Variants in SIK3 observed in about 807,000 individuals in gnomAD.
SIK3 encodes the protein SIK family kinase 3.
SIK3 carries 28 observed loss-of-function variants against 144.2 expected under a neutral mutation model. The ratio of observed to expected loss-of-function variants is 0.19; its 90% CI spans 0.14 to 0.27. The LOEUF is 0.27. Ranked by LOEUF, SIK3 falls within the 10% of genes least tolerant of loss-of-function variation. The probability of loss-of-function intolerance (pLI) is 1.00; values close to 1 mark genes in which losing one functional copy is unlikely to be tolerated. For missense variants in SIK3, 1,319 were observed against 1,776.0 expected, an observed-to-expected ratio of 0.74 and a Z score of 4.62; for synonymous variants, 686 against 676.3, an observed-to-expected ratio of 1.01 and a Z score of -0.22.
chr11:117,070,661 G>C (rs979425701), intron 1 of SIK3, among the ~76,000 whole-genome samples: 3 of 151,600 alleles, frequency 2.0e-5, no homozygotes, highest in African/African-American at 7.3e-5. Context: ...GGCCAGGCTG[G>C]TCTCGAACTC....
intron 3 of SIK3, among the ~76,000 whole-genome samples, chr11:116,931,589 A>G (rs1481749861): frequency 6.6e-6 from 1 of 152,250 alleles, no homozygotes; most frequent in Admixed American, 6.5e-5. Context: ...ACCACATTTC[A>G]GTGAAGAATG....
At chr11:116,944,467 AAT>A in intron 3 of SIK3, among the ~76,000 whole-genome samples, 1 of 4,726 alleles carries the variant, frequency 2.1e-4, no homozygotes, top group South Asian at 1.8e-3. Context: ...TCATGTGAGC[AAT>A]CAATCAATCA....
At chr11:116,950,135 G>A (rs912491977) in intron 3 of SIK3, 4 of 470,838 alleles carry the variant, frequency 8.5e-6, no homozygotes, top group Non-Finnish European at 1.8e-5. Flanking sequence ...CGGCATACCT[G>A]ATCAAGTTCC....
chr11:116,925,693 A>G (rs73592259), intron 4 of SIK3, among the ~76,000 whole-genome samples: 2,760 of 152,352 alleles, frequency 0.018, 79 homozygotes, highest in African/African-American at 0.062. Context: ...ATTAGTATTA[A>G]TTTAATTGAA....
At chr11:117,075,528 TATTG>T (rs1030019693) in intron 1 of SIK3, among the ~76,000 whole-genome samples, 3 of 150,570 alleles carry the variant, frequency 2.0e-5, no homozygotes, top group African/African-American at 7.4e-5. Flanking sequence ...CATTCTATGT[TATTG>T]ATTATTTTTT....
intron 1 of SIK3, among the ~76,000 whole-genome samples, chr11:117,081,394 C>T (rs1003129383): frequency 6.6e-6 from 1 of 152,144 alleles, no homozygotes; most frequent in African/African-American, 2.4e-5. Flanking sequence ...AAGGCCGAGG[C>T]AGGCGGATCA....
At chr11:116,894,187 T>C (rs752295893) in intron 6 of SIK3, among the ~76,000 whole-genome samples, 2 of 152,182 alleles carry the variant, frequency 1.3e-5, no homozygotes, top group Admixed American at 6.5e-5. Context: ...GCAACTCTTA[T>C]GATACCTCTT....
At chr11:116,970,839 G>A (rs1054333335) in intron 1 of SIK3, among the ~76,000 whole-genome samples, 3 of 150,856 alleles carry the variant, frequency 2.0e-5, no homozygotes, top group Admixed American at 2.0e-4. Context: ...TAAGAGAAGG[G>A]TCTTGCTCTT....
intron 4 of SIK3, among the ~76,000 whole-genome samples, chr11:116,903,720 T>G (rs1020850050): frequency 6.6e-6 from 1 of 152,202 alleles, no homozygotes; most frequent in African/African-American, 2.4e-5. Flanking sequence ...TAGCTGGGAC[T>G]TCAGGCAAAC....
Position 116,859,495 on chromosome 11 carries a change from A to T in SIK3, c.2535T>A (p.Gly845=). The T allele has an allele frequency of 6.2e-7, 1 of 1,614,166 alleles. No individual in the cohort carries two copies. The highest frequency in any genetic ancestry group is 8.5e-7 in the Non-Finnish European group (1 of 1,180,038). The change falls in exon 20 of 25, where the codon GGT becomes GGA. Residue 845 remains glycine, a synonymous_variant. Coordinates refer to ENST00000445177, the MANE Select transcript of SIK3 (RefSeq NM_001366686.3). Reference sequence around the variant, plus strand: ...GCTGTGACTGAGCAGGCTGCTGCATACCCAAGCAGGTTAGTGCCACGTTGG... The same window carrying T: ...GCTGTGACTGAGCAGGCTGCTGCATTCCCAAGCAGGTTAGTGCCACGTTGG... The part of the protein sequence containing the change: ...SPPNVALTCL[G]MQQPAQSQQV...
intron 15 of SIK3, chr11:116,864,819 G>A (rs1213874834): frequency 6.6e-6 from 1 of 152,284 alleles, no homozygotes. Flanking sequence ...TGGGACTGAA[G>A]CAGAACCACA....
At chr11:116,947,569 ATTT>A (rs1555107834) in intron 3 of SIK3, among the ~76,000 whole-genome samples, 4 of 109,446 alleles carry the variant, frequency 3.7e-5, no homozygotes, top group Admixed American at 1.1e-4. Flanking sequence ...GTATGTATGT[ATTT>A]TTTTTTTTTT....
chr11:117,023,284 A>C (rs1951848489), intron 1 of SIK3, among the ~76,000 whole-genome samples: 1 of 152,054 alleles, frequency 6.6e-6, no homozygotes. Flanking sequence ...TTGTTCTCTG[A>C]AGTTCCCTTA....
At chr11:117,024,064 C>CTGAATAACT (rs1951908852) in intron 1 of SIK3, among the ~76,000 whole-genome samples, 1 of 152,090 alleles carries the variant, frequency 6.6e-6, no homozygotes, top group Non-Finnish European at 1.5e-5. Context: ...TCCAAGCCCA[C>CTGAATAACT]TGAATAACTT....
chr11:117,054,850 G>A (rs1454673253), intron 1 of SIK3, among the ~76,000 whole-genome samples: 2 of 152,080 alleles, frequency 1.3e-5, no homozygotes, highest in Non-Finnish European at 2.9e-5. Flanking sequence ...GCATATGAAG[G>A]ATAAGGAAGA....
intron 22 of SIK3, 61 bp from the exon 23 acceptor site, chr11:116,847,669 A>G: frequency 6.2e-7 from 1 of 1,605,256 alleles, no homozygotes; most frequent in Non-Finnish European, 8.5e-7. Flanking sequence ...GGCAACCCCT[A>G]GAGACAGCTG....
chr11:117,032,252 T>C (rs1952294082), intron 1 of SIK3, among the ~76,000 whole-genome samples: 1 of 152,228 alleles, frequency 6.6e-6, no homozygotes, highest in Non-Finnish European at 1.5e-5. Flanking sequence ...TAGATTAATT[T>C]GAGGAGAACT....
chr11:116,967,569 A>G (rs1949603797), intron 1 of SIK3, among the ~76,000 whole-genome samples: 2 of 152,238 alleles, frequency 1.3e-5, no homozygotes. Context: ...TTGAAAAACT[A>G]TCCTAAACCC....
At chr11:117,077,745 C>T (rs1954615404) in intron 1 of SIK3, among the ~76,000 whole-genome samples, 3 of 151,966 alleles carry the variant, frequency 2.0e-5, no homozygotes, top group Admixed American at 2.0e-4. Flanking sequence ...AAAAGAAAAA[C>T]AAGCTCATTT....
Sources: gnomAD v4.1 joint callset for allele counts (sites outside exome capture counted in the v4.1 genomes callset) on GRCh38, gnomAD v4.1.1 for gene constraint, MANE v1.5 for transcripts, NCBI Gene and HGNC (gene_info 2026-07-23, HGNC 2026-07-21) for gene names.